The following RAPGEF4 variants were observed in gnomAD, a reference collection of about 807,000 sequenced individuals.
RAPGEF4 encodes the protein RAP guanine-nucleotide-exchange factor (GEF) 4.
In RAPGEF4, 66 loss-of-function variants were observed where a neutral mutation model predicts 147.9. That is an observed-to-expected ratio of 0.45 (90% CI 0.37 to 0.55). The LOEUF (loss-of-function observed/expected upper bound fraction) is 0.55, where lower values mean the gene tolerates loss of function less well. RAPGEF4 is among the 20% of genes least tolerant of loss of function. The pLI is 0.00. For missense variants in RAPGEF4, 1,071 were observed against 1,257.3 expected, an observed-to-expected ratio of 0.85 and a Z score of 2.24; for synonymous variants, 419 against 442.7, an observed-to-expected ratio of 0.95 and a Z score of 0.67.
chr2:172,816,479 G>T (rs1688514688), intron 4 of RAPGEF4, among the ~76,000 whole-genome samples: 1 of 152,076 alleles, frequency 6.6e-6, no homozygotes, highest in African/African-American at 2.4e-5. Flanking sequence ...AACATTTTTG[G>T]CAAGAAAATG....
At chr2:172,968,945 C>A (rs1162222300) in intron 10 of RAPGEF4, among the ~76,000 whole-genome samples, 1 of 152,180 alleles carries the variant, frequency 6.6e-6, no homozygotes, top group Non-Finnish European at 1.5e-5. Flanking sequence ...TTTTTGCTGT[C>A]CTCCTTGCTG....
intron 1 of RAPGEF4, among the ~76,000 whole-genome samples, chr2:172,748,343 AAG>A (rs1252467530): frequency 6.6e-6 from 1 of 152,214 alleles, no homozygotes; most frequent in Non-Finnish European, 1.5e-5. Flanking sequence ...TATGAAGAAA[AAG>A]AGGTTTAATG....
chr2:172,790,649 A>G (rs1685720777), intron 1 of RAPGEF4, among the ~76,000 whole-genome samples: 1 of 152,144 alleles, frequency 6.6e-6, no homozygotes. Flanking sequence ...ATGCATATCC[A>G]AGCATGCCAC....
chr2:173,024,295 G>T (rs1008812460), intron 23 of RAPGEF4, among the ~76,000 whole-genome samples: 27 of 138,292 alleles, frequency 2.0e-4, no homozygotes, highest in Admixed American at 6.2e-4. Flanking sequence ...TCGGCTCACT[G>T]CAAGCTCCGC....
At chr2:172,749,672 C>T (rs1695091513) in intron 1 of RAPGEF4, among the ~76,000 whole-genome samples, 1 of 152,214 alleles carries the variant, frequency 6.6e-6, no homozygotes, top group Non-Finnish European at 1.5e-5. Context: ...TAACATTTGG[C>T]TCCTCATTAC....
intron 6 of RAPGEF4, among the ~76,000 whole-genome samples, chr2:172,930,978 C>T (rs1452983185): frequency 1.3e-5 from 2 of 152,022 alleles, no homozygotes; most frequent in Admixed American, 6.5e-5. Context: ...ATTAGTATGA[C>T]GGGGTTCAAT....
At chr2:172,959,941 C>T (rs941873816) in intron 6 of RAPGEF4, among the ~76,000 whole-genome samples, 2 of 151,894 alleles carry the variant, frequency 1.3e-5, no homozygotes, top group African/African-American at 2.4e-5. Flanking sequence ...AAAAATTAAC[C>T]GGGTATGGTG....
In RAPGEF4 at chr2:172,841,752, T is replaced by G. The variant is rs185096592; in HGVS notation, c.444+27327T>G. Among the ~76,000 whole-genome samples, 22 of 150,658 alleles carry G rather than the reference T, an allele frequency of 1.5e-4. No individual in the cohort carries two copies. In the East Asian group the frequency reaches 4.3e-3, roughly 30 times the overall value. ...GATTTAATTATTAGTGAGGGAACAA[T>G]TCCCCAAACAGACATCCAAATCTAC... On this transcript the variant is annotated intron_variant, in intron 4 of 30. Transcript: ENST00000397081.
intron 1 of RAPGEF4, among the ~76,000 whole-genome samples, chr2:172,794,512 C>T (rs995977989): frequency 8.5e-5 from 13 of 152,160 alleles, no homozygotes; most frequent in East Asian, 3.8e-4. Context: ...CGGACAGTCC[C>T]GTTTGCAGTT....
rs187059700 is a variant in RAPGEF4, at chr2:172,859,120, T to C, written c.444+44695T>C. Among the ~76,000 whole-genome samples the C allele has an allele frequency of 2.4e-3, 363 of 152,314 alleles. 2 individuals carry two copies. Among genetic ancestry groups the C allele is most frequent in the Non-Finnish European group, 3.4e-3 (232 of 68,022 alleles). On this transcript the variant is annotated intron_variant, in intron 4 of 30. Transcript: ENST00000397081. ...GCAAAATTTAAAATGCAATAACATG[T>C]TTAAAATTATGAAAATGATCATGTA... is the stretch of plus-strand genomic sequence containing the variant.
chr2:172,960,955 A>C, intron 7 of RAPGEF4, 142 bp downstream of exon 7: 1 of 868,912 alleles, frequency 1.2e-6, no homozygotes. Flanking sequence ...TTCAGTTCTC[A>C]ACATAAACCA....
At chr2:172,838,602 C>CT (rs1206841195) in intron 4 of RAPGEF4, among the ~76,000 whole-genome samples, 1 of 152,076 alleles carries the variant, frequency 6.6e-6, no homozygotes, top group Non-Finnish European at 1.5e-5. Flanking sequence ...TTGTAGATCT[C>CT]TTTTATCACC....
chr2:172,895,139 T>G (rs1334907383), intron 4 of RAPGEF4, among the ~76,000 whole-genome samples: 1 of 152,186 alleles, frequency 6.6e-6, no homozygotes, highest in Non-Finnish European at 1.5e-5. Flanking sequence ...TTCGCTTTCA[T>G]GTTTTTCATT....
chr2:172,804,228 A>G (rs1007812967), intron 3 of RAPGEF4, among the ~76,000 whole-genome samples: 2 of 152,174 alleles, frequency 1.3e-5, no homozygotes, highest in South Asian at 4.1e-4. Flanking sequence ...ACTCAAATTC[A>G]TATTGCCTTC....
intron 6 of RAPGEF4, among the ~76,000 whole-genome samples, chr2:172,931,058 A>G (rs1685870179): frequency 6.6e-6 from 1 of 151,792 alleles, no homozygotes; most frequent in Admixed American, 6.6e-5. Context: ...GACACTTAAT[A>G]GCCAGTGACA....
chr2:172,935,754 A>G (rs1686497401), intron 6 of RAPGEF4, among the ~76,000 whole-genome samples: 2 of 152,232 alleles, frequency 1.3e-5, no homozygotes, highest in African/African-American at 2.4e-5. Context: ...TCTTCTTAAC[A>G]TATATGATGT....
At chr2:172,888,713 C>T (rs1238145639) in intron 4 of RAPGEF4, among the ~76,000 whole-genome samples, 2 of 152,170 alleles carry the variant, frequency 1.3e-5, no homozygotes, top group African/African-American at 4.8e-5. Context: ...TTTGCAATAT[C>T]AGCTTGGTGA....
At chr2:173,035,217 CAG>C (rs2106002232) in intron 27 of RAPGEF4, among the ~76,000 whole-genome samples, 1 of 151,710 alleles carries the variant, frequency 6.6e-6, no homozygotes, top group African/African-American at 2.4e-5. Context: ...TTTTAAAAAA[CAG>C]GGGTCTCGGC....
At chr2:172,979,143 CCTCT>C (rs1409945022) in intron 10 of RAPGEF4, among the ~76,000 whole-genome samples, 1 of 152,132 alleles carries the variant, frequency 6.6e-6, no homozygotes, top group East Asian at 1.9e-4. Flanking sequence ...ACATCTCCTC[CCTCT>C]ATTAATAATT....
Sources: allele counts gnomAD v4.1 joint callset (sites outside exome capture counted in the v4.1 genomes callset), GRCh38; gene constraint gnomAD v4.1.1; transcripts MANE v1.5; gene names NCBI Gene and HGNC (gene_info 2026-07-23, HGNC 2026-07-21).